RBM5: variants seen among roughly 807,000 people sequenced by gnomAD.
RBM5 encodes the protein RNA binding motif protein 5, also known as RNA-binding protein 5.
In RBM5, 15 loss-of-function variants were observed where a neutral mutation model predicts 124.6. The ratio of observed to expected loss-of-function variants is 0.12; its 90% CI spans 0.08 to 0.19. The LOEUF is 0.19. Ranked by LOEUF, RBM5 falls within the 10% of genes least tolerant of loss-of-function variation. The pLI is 1.00. For missense variants in RBM5, 580 were observed against 1,026.5 expected (o/e 0.57, Z 5.94); for synonymous variants, 337 against 361.2 (o/e 0.93, Z 0.76).
chr3:50,104,842 T>C (rs971989424), intron 8 of RBM5: 1 of 434,854 alleles, frequency 2.3e-6, no homozygotes, highest in Non-Finnish European at 4.1e-6. Flanking sequence ...TGGTTTGCAT[T>C]CTGCATCTGC....
rs542840143 is a variant in RBM5, at chr3:50,110,589, A to T, written c.1364-90A>T. ...TGGGGATGTGAGACAGAGAAGAAAC[A>T]TTAGGCCTGCTGCATCTCACTGGCT... is the stretch of plus-strand genomic sequence containing the variant. On this transcript the variant is annotated intron_variant, in intron 16 of 24. Coordinates refer to ENST00000347869, the MANE Select transcript of RBM5 (RefSeq NM_005778.4). The T allele has an allele frequency of 3.5e-6, 5 of 1,439,946 alleles. No homozygotes were observed. In the East Asian group the frequency reaches 1.1e-4, roughly 33 times the overall value. 89.2% of individuals were successfully genotyped at this position (1,439,946 alleles called of 1,614,324 possible).
Position 50,094,026 on chromosome 3 carries a change from A to G in RBM5, c.339+151A>G, listed in dbSNP as rs11130241. On this transcript the variant is annotated intron_variant, in intron 4 of 24. Coordinates refer to ENST00000347869, the MANE Select transcript of RBM5 (RefSeq NM_005778.4). ...TGCTTGGGACCAGAACTGTTTTGATATTTTTTTTTAATATTTGCATTTACA... is the reference window on the plus strand; with the variant it reads ...TGCTTGGGACCAGAACTGTTTTGATGTTTTTTTTTAATATTTGCATTTACA... 1.7e-5 allele frequency: 11 copies of G among 664,402 alleles called. No individual in the cohort carries two copies. The South Asian group carries it at 1.7e-4, about 10-fold the overall frequency. The allele number at this position is 664,402 out of a possible 1,614,324, so 41.2% of individuals were successfully genotyped here.
chr3:50,107,743 A>G (rs755918071), intron 12 of RBM5, among the ~76,000 whole-genome samples, 174 bp downstream of exon 12: 8 of 123,668 alleles, frequency 6.5e-5, no homozygotes, highest in South Asian at 2.6e-4. Context: ...CTGGAGTGCA[A>G]TGGTGCAATC....
chr3:50,114,283 C>A, intron 20 of RBM5, 32 bp downstream of exon 20: 1 of 1,574,498 alleles, frequency 6.4e-7, no homozygotes, highest in East Asian at 2.2e-5. Context: ...TTTAAAGACC[C>A]TATCTGTGGT....
chr3:50,115,349 C>T, intron 20 of RBM5, 79 bp from the exon 21 acceptor site: 1 of 1,464,142 alleles, frequency 6.8e-7, no homozygotes, highest in Non-Finnish European at 9.4e-7. Context: ...TCGGATGAGG[C>T]ATTACTTTAT....
chr3:50,098,589 C>T (rs1383638609), intron 4 of RBM5, among the ~76,000 whole-genome samples: 2 of 152,044 alleles, frequency 1.3e-5, no homozygotes, highest in Non-Finnish European at 2.9e-5. Context: ...ACTACAGGCA[C>T]GTGCCACCAC....
intron 2 of RBM5, 79 bp from the exon 3 acceptor site, chr3:50,091,964 G>C (rs762528825): frequency 4.1e-5 from 58 of 1,425,350 alleles, no homozygotes; most frequent in Non-Finnish European, 5.5e-5. Flanking sequence ...TGATCTGTGG[G>C]CCGTGTGTAT....
rs1381938300 is a variant in RBM5 at position 50,118,447 on chromosome 3, G to A, written c.2439G>A (p.Glu813=). ...AAGCCATGTTTGCCCGGTTCACTGA[G>A]ATGGAGTGAGAGAGAGAGAGAGAGA... is the stretch of plus-strand genomic sequence containing the variant. ...VRKAMFARFT[E]ME Residue 813 remains glutamate (E), a synonymous_variant, in exon 25 of 25, where the codon GAG becomes GAA. Coordinates refer to ENST00000347869, the MANE Select transcript of RBM5 (RefSeq NM_005778.4). 2.5e-6 allele frequency: 4 copies of A among 1,613,536 alleles called. No individual in the cohort carries two copies. The highest frequency in any genetic ancestry group is 3.4e-6 in the Non-Finnish European group (4 of 1,180,000).
rs768418651 is a variant in RBM5, at chr3:50,110,405, C to T, written c.1305C>T (p.Ser435=). 3.1e-6 allele frequency: 5 copies of T among 1,614,184 alleles called. No homozygotes were observed. Among genetic ancestry groups the T allele is most frequent in the Non-Finnish European group, 4.2e-6 (5 of 1,180,028 alleles). ...CTGAGGAAGCACAGCCTAGCACTAGCACAAGTACACAGGCCCCAGCCGCTT... is the reference window on the plus strand; with the variant it reads ...CTGAGGAAGCACAGCCTAGCACTAGTACAAGTACACAGGCCCCAGCCGCTT... ...SPTEEAQPST[S]TSTQAPAASP... The change falls in exon 16 of 25, where the codon AGC becomes AGT. Residue 435 remains serine, a synonymous_variant. Coordinates refer to ENST00000347869, the MANE Select transcript of RBM5 (RefSeq NM_005778.4).
intron 17 of RBM5, 174 bp downstream of exon 17, chr3:50,110,944 G>T: frequency 3.5e-6 from 2 of 567,226 alleles, no homozygotes; most frequent in South Asian, 2.7e-5. Flanking sequence ...TTAATTGTAG[G>T]GTTAAAAAAT....
Position 50,114,093 on chromosome 3 carries a change from G to A in RBM5, c.1761G>A (p.Glu587=), listed in dbSNP as rs1487403957. The change falls in exon 19 of 25, where the codon GAG becomes GAA. Residue 587 remains glutamate (E), a synonymous_variant. Coordinates refer to ENST00000347869, the MANE Select transcript of RBM5 (RefSeq NM_005778.4). ...CAGACGCTGGCTTTGCTCTCTTTGAGAAGAAGGTAATAGCAGGAATGGCCA... is the reference window on the plus strand; with the variant it reads ...CAGACGCTGGCTTTGCTCTCTTTGAAAAGAAGGTAATAGCAGGAATGGCCA... ...AAADAGFALF[E]KKGALAERQQ... The A allele has an allele frequency of 1.2e-5, 20 of 1,614,182 alleles. No individual in the cohort carries two copies. Among genetic ancestry groups the A allele is most frequent in the Non-Finnish European group, 1.7e-5 (20 of 1,180,032 alleles).
chr3:50,110,645 T>C, intron 16 of RBM5, 34 bp from the exon 17 acceptor site: 1 of 1,569,682 alleles, frequency 6.4e-7, no homozygotes, highest in Non-Finnish European at 8.7e-7. Flanking sequence ...ATTTCTTACC[T>C]GGAATGACTG....
At position 50,113,559 on chromosome 3, in the gene RBM5, C is replaced by T. The variant is rs1485054507; in HGVS notation, c.1617+15C>T. On this transcript the variant is annotated intron_variant, in intron 18 of 24. Coordinates refer to ENST00000347869, the MANE Select transcript of RBM5 (RefSeq NM_005778.4). Reference sequence around the variant, plus strand: ...CAGCCCAGCAGGTTAGAACATGACCCATATTTCTTTCATTGAGGTATTGGG... The same window carrying T: ...CAGCCCAGCAGGTTAGAACATGACCTATATTTCTTTCATTGAGGTATTGGG... 3.1e-6 allele frequency: 5 copies of T among 1,597,810 alleles called. No individual in the cohort carries two copies. In the African/African-American group the frequency reaches 5.4e-5, roughly 17 times the overall value.
At chr3:50,094,477 GTTTT>G (rs1209830397) in intron 4 of RBM5, 2 of 151,962 alleles carry the variant, frequency 1.3e-5, no homozygotes, top group Non-Finnish European at 1.5e-5. Flanking sequence ...TGTGTGCTTT[GTTTT>G]TTTGTTTGTG....
Position 50,092,088 on chromosome 3 carries a change from C to A in RBM5, c.63C>A (p.Asp21Glu), listed in dbSNP as rs749162538. 1 of 1,613,974 alleles carries A rather than the reference C, an allele frequency of 6.2e-7. No individual in the cohort carries two copies. The highest frequency in any genetic ancestry group is 1.1e-5 in the South Asian group (1 of 91,062). The change falls in exon 3 of 25, where the codon GAC (aspartate) becomes GAA (glutamate). Residue 21 changes from aspartate (D) to glutamate (E), a missense_variant. By Grantham distance (45) the Asp-to-Glu change is conservative. Transcript: ENST00000347869. ...ERSGRYGSII[D>E]RDDRDERESR... The stretch of plus-strand genomic sequence containing the variant: ...GTGGAAGATACGGTTCCATCATAGA[C>A]AGGGATGACCGTGATGAGCGTGAAT...
Position 50,110,740 on chromosome 3 carries a change from A to G in RBM5, c.1425A>G (p.Thr475=). Residue 475 remains threonine, a synonymous_variant, in exon 17 of 25, where the codon ACA becomes ACG. Transcript: ENST00000347869. ...DESSGYYYDP[T]TGLYYDPNSQ... ...CTTCAGGATATTACTATGATCCGACAACAGGGCTCTATTATGACCCCAACT... is the reference window on the plus strand; with the variant it reads ...CTTCAGGATATTACTATGATCCGACGACAGGGCTCTATTATGACCCCAACT... The G allele has an allele frequency of 6.2e-7, 1 of 1,613,514 alleles. No homozygotes were observed. Among genetic ancestry groups the G allele is most frequent in the East Asian group, 2.2e-5 (1 of 44,884 alleles).
Position 50,117,541 on chromosome 3 carries a change from G to A in RBM5, c.2322+162G>A. The A allele has an allele frequency of 1.0e-6, 1 of 995,856 alleles. No individual in the cohort carries two copies. The allele number at this position is 995,856 out of a possible 1,614,324, so 61.7% of individuals were successfully genotyped here. ...CACACCTGTAATCCCAGCACTTTGG[G>A]AGGCCGAGGAGGGTGGATTGCCTGA... On this transcript the variant is annotated intron_variant, in intron 24 of 24. Transcript: ENST00000347869. The surrounding 1 kb of genome is among the most constrained non-coding windows in gnomAD (Gnocchi z 4.2).
intron 3 of RBM5, among the ~76,000 whole-genome samples, chr3:50,092,519 A>G (rs1196016157): frequency 6.6e-6 from 1 of 150,786 alleles, no homozygotes; most frequent in African/African-American, 2.4e-5. Context: ...CTGAGATTGT[A>G]TCAGTGCTCT....
In RBM5 at chr3:50,115,455, G is replaced by T; in HGVS notation, c.1867G>T (p.Asp623Tyr). Residue 623 changes from aspartate (D) to tyrosine (Y), a missense_variant, in exon 21 of 25, where the codon GAC becomes TAC. By Grantham distance (160) the Asp-to-Tyr change is radical. Around this residue, in one of 6 missense-constraint regions of RBM5, gnomAD observed 234 missense variants for 435.1 expected, o/e 0.54. Coordinates refer to ENST00000347869, the MANE Select transcript of RBM5 (RefSeq NM_005778.4). ...GGGTCTGGTTGCTGCTTACAGTGGT[G>T]ACAGTGACAATGAGGAGGAGCTGGT... ...KRGLVAAYSG[D>Y]SDNEEELVER... 6.2e-7 allele frequency: 1 copy of T among 1,614,076 alleles called. No homozygotes were observed. Among genetic ancestry groups the T allele is most frequent in the South Asian group, 1.1e-5 (1 of 91,074 alleles).
Sources: allele counts gnomAD v4.1 joint callset (sites outside exome capture counted in the v4.1 genomes callset), GRCh38; gene constraint gnomAD v4.1.1; regional missense constraint gnomAD v4.1.1; non-coding constraint Gnocchi (gnomAD v3.1); transcripts MANE v1.5; gene names NCBI Gene and HGNC (gene_info 2026-07-23, HGNC 2026-07-21).